Variants in NAV3 observed in about 807,000 individuals in gnomAD.
NAV3 encodes pore membrane and/or filament interacting like protein 1.
NAV3 carries 87 observed loss-of-function variants against 244.7 expected under a neutral mutation model. The observed-to-expected ratio is 0.36, with a 90% CI of 0.30 to 0.42. The LOEUF is 0.42. NAV3 is among the 20% of genes least tolerant of loss of function. The pLI, the probability that NAV3 is intolerant of heterozygous loss-of-function variation, is 1.00. For synonymous variants in NAV3, 1,126 were observed against 1,042.2 expected (o/e 1.08, Z -1.55); for missense variants, 2,663 against 2,893.3 (o/e 0.92, Z 1.83).
intron 30 of NAV3, among the ~76,000 whole-genome samples, chr12:78,184,200 A>G (rs1269667077): frequency 6.6e-6 from 1 of 151,904 alleles, no homozygotes; most frequent in African/African-American, 2.4e-5. Context: ...TTCATTCCCA[A>G]TATGCAGCAA....
rs1354664157 is a variant in NAV3 at position 77,723,371 on chromosome 12, TA to T, written c.72+151108del. On this transcript the variant is annotated intron_variant, in intron 2 of 8. Coordinates refer to the NAV3 transcript ENST00000550042. ...AATGTTATTGAAAAGTTTTTTTTTT[TA>T]AATTTGATTTATGGAGGGATTATGA... is the stretch of plus-strand genomic sequence containing the variant. Among the ~76,000 whole-genome samples, 75 of 139,082 alleles carry T rather than the reference TA, an allele frequency of 5.4e-4. 1 individual carries two copies. The highest frequency in any genetic ancestry group is 3.8e-3 in the Middle Eastern group (1 of 262). The allele number at this position is 139,082 out of a possible 152,430, so 91.2% of individuals were successfully genotyped here.
intron 1 of NAV3, among the ~76,000 whole-genome samples, chr12:77,911,262 G>A (rs1345664449): frequency 6.6e-6 from 1 of 152,112 alleles, no homozygotes; most frequent in East Asian, 1.9e-4. Context: ...CAGATGATCT[G>A]TCCTAGTCTT....
At chr12:77,874,959 A>C (rs1456849307) in intron 1 of NAV3, among the ~76,000 whole-genome samples, 1 of 152,136 alleles carries the variant, frequency 6.6e-6, no homozygotes, top group Non-Finnish European at 1.5e-5. Context: ...AAAGTGGCAC[A>C]ACTAATCTAT....
chr12:77,842,557 C>T (rs563685283), intron 1 of NAV3, among the ~76,000 whole-genome samples: 2 of 150,288 alleles, frequency 1.3e-5, no homozygotes, highest in Admixed American at 6.7e-5. Context: ...GAGGCATTGG[C>T]GGGATACTAG....
chr12:77,851,007 T>A (rs1410806279), intron 1 of NAV3, among the ~76,000 whole-genome samples: 1 of 152,194 alleles, frequency 6.6e-6, no homozygotes, highest in Non-Finnish European at 1.5e-5. Flanking sequence ...ATAAGAACTT[T>A]TGGATTCATA....
intron 9 of NAV3, among the ~76,000 whole-genome samples, chr12:78,047,929 C>A (rs1203265788): frequency 6.6e-6 from 1 of 152,050 alleles, no homozygotes; most frequent in Non-Finnish European, 1.5e-5. Flanking sequence ...TTTCTCTAAT[C>A]TTGTCTTTAT....
chr12:78,134,851 A>G (rs775579853), intron 18 of NAV3, among the ~76,000 whole-genome samples: 1 of 152,224 alleles, frequency 6.6e-6, no homozygotes. Context: ...TAATCTTAAT[A>G]AAAGGTTAGT....
chr12:77,937,864 G>A (rs1889472625), intron 1 of NAV3, among the ~76,000 whole-genome samples: 1 of 152,188 alleles, frequency 6.6e-6, no homozygotes, highest in Non-Finnish European at 1.5e-5. Flanking sequence ...TAGCAAGCAT[G>A]TTTTTTCATG....
intron 12 of NAV3, among the ~76,000 whole-genome samples, chr12:78,098,198 A>T (rs1032733775): frequency 9.9e-5 from 15 of 152,132 alleles, no homozygotes; most frequent in Admixed American, 9.8e-4. Context: ...CATGGTAATG[A>T]TTCTTTAGAA....
chr12:78,177,180 T>C lies in NAV3; in HGVS notation c.5164T>C (p.Ser1722Pro). Residue 1722 changes from serine (S) to proline (P), a missense_variant, in exon 27 of 40, where the codon TCC becomes CCC. Around this residue, in one of 6 missense-constraint regions of NAV3, gnomAD observed 193 missense variants for 200.7 expected, o/e 0.96. Coordinates refer to ENST00000397909, the MANE Select transcript of NAV3 (RefSeq NM_001024383.2). ...SFKQAFGKKK[S>P]TKPPSSHSDI... ...CAAACAAGCCTTTGGGAAGAAAAAG[T>C]CCACCAAGCCTCCTTCATCACATTC... The C allele has an allele frequency of 1.2e-6, 2 of 1,613,406 alleles. No homozygotes were observed. Among genetic ancestry groups the C allele is most frequent in the Admixed American group, 1.7e-5 (1 of 59,956 alleles).
chr12:77,658,562 C>A (rs1363646012), intron 2 of NAV3, among the ~76,000 whole-genome samples: 1 of 151,692 alleles, frequency 6.6e-6, no homozygotes, highest in Admixed American at 6.6e-5. Context: ...CAATGCCATC[C>A]CCATCAAGCT....
chr12:77,683,376 GT>G (rs111255895), intron 2 of NAV3, among the ~76,000 whole-genome samples: 13,986 of 150,468 alleles, frequency 0.093, 938 homozygotes, highest in African/African-American at 0.19. Context: ...CTTTGTATGT[GT>G]TTTTTTTTGC....
intron 2 of NAV3, among the ~76,000 whole-genome samples, chr12:77,640,213 A>G (rs1872346055): frequency 6.6e-6 from 1 of 152,164 alleles, no homozygotes; most frequent in African/African-American, 2.4e-5. Context: ...TGATGCAGTT[A>G]GAAATCTAAT....
At chr12:77,781,344 C>T (rs1460313283) in intron 2 of NAV3, among the ~76,000 whole-genome samples, 1 of 152,144 alleles carries the variant, frequency 6.6e-6, no homozygotes, top group African/African-American at 2.4e-5. Context: ...TGATAAGAAA[C>T]ATTACAAACT....
intron 8 of NAV3, among the ~76,000 whole-genome samples, chr12:78,012,668 T>C (rs142034460): frequency 8.5e-5 from 13 of 152,246 alleles, no homozygotes; most frequent in Non-Finnish European, 1.8e-4. Context: ...TGCAGGCCTG[T>C]CTTGTTATTA....
At chr12:77,579,193 C>A (rs1869233304) in intron 2 of NAV3, among the ~76,000 whole-genome samples, 1 of 152,190 alleles carries the variant, frequency 6.6e-6, no homozygotes, top group Non-Finnish European at 1.5e-5. Flanking sequence ...TCCCTCAAAG[C>A]TGGAATCACC....
chr12:77,973,054 G>T (rs576382451), intron 5 of NAV3, among the ~76,000 whole-genome samples: 1 of 152,030 alleles, frequency 6.6e-6, no homozygotes, highest in South Asian at 2.1e-4. Context: ...CAAGGTGTTA[G>T]GATGATAGTA....
chr12:78,190,932 C>A (rs1016435229), intron 34 of NAV3, among the ~76,000 whole-genome samples: 1 of 152,028 alleles, frequency 6.6e-6, no homozygotes, highest in African/African-American at 2.4e-5. Flanking sequence ...TAACACTAAC[C>A]TAGTTTTACC....
chr12:77,917,848 GA>G (rs1267948841), intron 1 of NAV3, among the ~76,000 whole-genome samples: 3 of 152,006 alleles, frequency 2.0e-5, no homozygotes. Context: ...AAAATACCTA[GA>G]AAGGTTTCTA....
Sources: allele counts gnomAD v4.1 joint callset (sites outside exome capture counted in the v4.1 genomes callset), GRCh38; gene constraint gnomAD v4.1.1; regional missense constraint gnomAD v4.1.1; transcripts MANE v1.5; gene names NCBI Gene and HGNC (gene_info 2026-07-23, HGNC 2026-07-21).